Variants in NCAPG observed in about 807,000 individuals in gnomAD.
The protein encoded by NCAPG is condensin complex subunit 3.
Under a neutral mutation model 113.1 loss-of-function variants are expected in NCAPG, and 69 were observed. That is an observed-to-expected ratio of 0.61 (90% CI 0.50 to 0.75). The LOEUF (loss-of-function observed/expected upper bound fraction) is 0.75, where lower values mean the gene tolerates loss of function less well. Among genes scored for constraint, NCAPG ranks in the 30% least tolerant of loss-of-function variants. The pLI, the probability that NCAPG is intolerant of heterozygous loss-of-function variation, is 0.00. For missense variants in NCAPG, 1,058 were observed against 1,177.0 expected (o/e 0.90, Z 1.48); for synonymous variants, 370 against 415.8 (o/e 0.89, Z 1.34).
intron 12 of NCAPG, among the ~76,000 whole-genome samples, chr4:17,829,858 C>T (rs190048200): frequency 6.6e-6 from 1 of 152,034 alleles, no homozygotes; most frequent in Non-Finnish European, 1.5e-5. Context: ...AGAGGAGCAT[C>T]GATTAAGTAA....
chr4:17,837,883 C>T (rs1187824229), intron 16 of NCAPG, 82 bp downstream of exon 16: 1 of 1,498,420 alleles, frequency 6.7e-7, no homozygotes, highest in Non-Finnish European at 9.2e-7. Context: ...TACTGAGGAA[C>T]TGCATTTTGG....
At chr4:17,823,241 A>C (rs1721531520) in intron 8 of NCAPG, 118 bp downstream of exon 8, 1 of 968,544 alleles carries the variant, frequency 1.0e-6, no homozygotes. Context: ...TGGTATAAAA[A>C]GTTTTCTTTT....
chr4:17,830,961 T>C, intron 12 of NCAPG, 36 bp from the exon 13 acceptor site: 1 of 1,592,334 alleles, frequency 6.3e-7, no homozygotes, highest in Non-Finnish European at 8.6e-7. Flanking sequence ...GAAGTAGATC[T>C]ATGAAATCAT....
intron 14 of NCAPG, among the ~76,000 whole-genome samples, chr4:17,836,165 T>C (rs1306835006): frequency 1.3e-5 from 2 of 152,232 alleles, no homozygotes; most frequent in South Asian, 2.1e-4. Flanking sequence ...CTAGTATATA[T>C]GAAGTGCTAC....
At chr4:17,842,149 G>A (rs908172149) in intron 19 of NCAPG, 161 bp from the exon 20 acceptor site, 1 of 560,182 alleles carries the variant, frequency 1.8e-6, no homozygotes, top group South Asian at 2.5e-5. Context: ...CTTTTTCTGT[G>A]GCAGTGATAA....
rs1165355724 is a variant in NCAPG, at chr4:17,811,299, CT to C, written c.111+113del. On this transcript the variant is annotated intron_variant, in intron 1 of 20. Transcript: ENST00000251496. The surrounding 1 kb of genome is among the most constrained non-coding windows in gnomAD (Gnocchi z 5.3). Reference sequence around the variant, plus strand: ...GCACCGTGACTCCAGCCTTGTTCACCTTCGCGACTCACTTCATAGGGATCTG... The same window carrying C: ...GCACCGTGACTCCAGCCTTGTTCACCTCGCGACTCACTTCATAGGGATCTG... The C allele has an allele frequency of 6.6e-6, 4 of 604,374 alleles. No homozygotes were observed. Among genetic ancestry groups the C allele is most frequent in the Non-Finnish European group, 1.1e-5 (4 of 364,764 alleles). 37.4% of individuals were successfully genotyped at this position (604,374 alleles called of 1,614,324 possible).
Position 17,831,032 on chromosome 4 carries a change from A to G in NCAPG, c.1800A>G (p.Val600=), listed in dbSNP as rs1721848162. ...GAATAATAAGTATTCATCCTGTTGT[A>G]AGAAACCTGGCTGTTTTATGCTTGG... ...LPGIISIHPV[V]RNLAVLCLGC... The change falls in exon 13 of 21, where the codon GTA becomes GTG. Residue 600 remains valine, a synonymous_variant. Coordinates refer to ENST00000251496, the MANE Select transcript of NCAPG (RefSeq NM_022346.5). 1 of 1,613,320 alleles carries G rather than the reference A, an allele frequency of 6.2e-7. No homozygotes were observed. Among genetic ancestry groups the G allele is most frequent in the South Asian group, 1.1e-5 (1 of 90,998 alleles).
In NCAPG at chr4:17,825,167, G is replaced by A. The variant is rs1721612581; in HGVS notation, c.1473+110G>A. The A allele has an allele frequency of 1.2e-5, 10 of 842,932 alleles. No individual in the cohort carries two copies. In the South Asian group the frequency reaches 1.8e-4, roughly 15 times the overall value. 52.2% of individuals were successfully genotyped at this position (842,932 alleles called of 1,614,324 possible). A position where few individuals can be genotyped will look rare whatever the true frequency, so the allele number is the denominator to read the frequency against. Reference sequence around the variant, plus strand: ...ATGTTTCTCACATAATCAAATTATTGTTTAATTGTTAAACTATAAGAATAT... The same window carrying A: ...ATGTTTCTCACATAATCAAATTATTATTTAATTGTTAAACTATAAGAATAT... On this transcript the variant is annotated intron_variant, in intron 10 of 20. Coordinates refer to ENST00000251496, the MANE Select transcript of NCAPG (RefSeq NM_022346.5).
intron 14 of NCAPG, among the ~76,000 whole-genome samples, chr4:17,834,875 T>G (rs1362253258): frequency 1.3e-5 from 2 of 152,222 alleles, no homozygotes; most frequent in African/African-American, 4.8e-5. Context: ...AAATCCTAAC[T>G]TTCACTATCA....
intron 3 of NCAPG, 52 bp downstream of exon 3, chr4:17,813,197 C>T: frequency 2.0e-6 from 3 of 1,464,976 alleles, no homozygotes; most frequent in Non-Finnish European, 2.8e-6. Context: ...TTGTTAAATT[C>T]TCAGTATTTG....
At position 17,837,781 on chromosome 4, in the gene NCAPG, A is replaced by C. The variant is rs1447260130; in HGVS notation, c.2446A>C (p.Lys816Gln). 6.2e-7 allele frequency: 1 copy of C among 1,613,748 alleles called. No homozygotes were observed. The highest frequency in any genetic ancestry group is 1.3e-5 in the African/African-American group (1 of 74,922). ...TRPSGLNPQA[K>Q]TSQDYQALTV... ...ACCAAGTGGATTAAATCCTCAGGCCAAGACTTCCCAAGATTATCAGGTGAG... is the reference window on the plus strand; with the variant it reads ...ACCAAGTGGATTAAATCCTCAGGCCCAGACTTCCCAAGATTATCAGGTGAG... The change falls in exon 16 of 21, where the codon AAG (lysine) becomes CAG (glutamine). Residue 816 changes from lysine (K) to glutamine (Q), a missense_variant. Transcript: ENST00000251496.
intron 5 of NCAPG, 162 bp from the exon 6 acceptor site, chr4:17,817,099 G>A (rs1721239983): frequency 3.7e-6 from 2 of 541,972 alleles, no homozygotes; most frequent in Middle Eastern, 4.3e-4. Context: ...GTGACAGAGC[G>A]AGACTCTGTC....
chr4:17,841,659 T>G (rs551705435), intron 19 of NCAPG: 8 of 152,074 alleles, frequency 5.3e-5, no homozygotes, highest in Middle Eastern at 3.4e-3. Flanking sequence ...CCAAACTTCA[T>G]ATATTCATAT....
rs764578329 is a variant in NCAPG at position 17,817,393 on chromosome 4, C to G, written c.908C>G (p.Ala303Gly). 2.5e-6 allele frequency: 4 copies of G among 1,614,062 alleles called. No homozygotes were observed. The highest frequency in any genetic ancestry group is 3.4e-6 in the Non-Finnish European group (4 of 1,179,982). The change falls in exon 6 of 21, where the codon GCC (alanine) becomes GGC (glycine). Residue 303 changes from alanine to glycine, a missense_variant. Transcript: ENST00000251496. ...GAAGTGGCAGTCTCTGTTCTCAATG[C>G]CTTGTTTTCAATAACTCCTCTCAGT... The part of the protein sequence containing the change: ...SSEVAVSVLN[A>G]LFSITPLSEL...
chr4:17,836,631 A>G (rs1577209770), intron 14 of NCAPG, among the ~76,000 whole-genome samples: 1 of 152,086 alleles, frequency 6.6e-6, no homozygotes, highest in African/African-American at 2.4e-5. Flanking sequence ...GTCCAGCTTC[A>G]TTGTTTTGCC....
At chr4:17,838,418 A>T (rs892518967) in intron 16 of NCAPG, among the ~76,000 whole-genome samples, 2 of 152,240 alleles carry the variant, frequency 1.3e-5, no homozygotes, top group African/African-American at 2.4e-5. Context: ...TATTGGAAAG[A>T]TAAGATTACA....
At chr4:17,812,775 C>T in intron 2 of NCAPG, 142 bp from the exon 3 acceptor site, 2 of 684,344 alleles carry the variant, frequency 2.9e-6, no homozygotes, top group East Asian at 2.7e-5. Flanking sequence ...TACATATGGA[C>T]CAAGGTAGCA....
intron 18 of NCAPG, 73 bp from the exon 19 acceptor site, chr4:17,840,534 G>T: frequency 1.1e-6 from 1 of 879,826 alleles, no homozygotes; most frequent in Admixed American, 3.4e-5. Flanking sequence ...TATAAAAACT[G>T]GTCTTAAAAA....
rs1410565218 is a variant in NCAPG, at chr4:17,843,479, TAAAG to T, written c.*57_*60del. The T allele has an allele frequency of 6.3e-7, 1 of 1,584,646 alleles. No individual in the cohort carries two copies. The highest frequency in any genetic ancestry group is 1.8e-5 in the Admixed American group (1 of 56,524). ...GATTATGTCCAGTTATTTGCTTTAA[TAAAG>T]AAGAAGTTACCCTTGTCAAAATCAG... On this transcript the variant is annotated 3_prime_UTR_variant, in exon 21 of 21. Coordinates refer to ENST00000251496, the MANE Select transcript of NCAPG (RefSeq NM_022346.5).
Sources: gnomAD v4.1 joint callset for allele counts (sites outside exome capture counted in the v4.1 genomes callset) on GRCh38, gnomAD v4.1.1 for gene constraint, Gnocchi (gnomAD v3.1) non-coding constraint, MANE v1.5 for transcripts, NCBI Gene and HGNC (gene_info 2026-07-23, HGNC 2026-07-21) for gene names.